Variants in GABBR2 observed in about 807,000 individuals in gnomAD.
GABBR2 encodes gamma-aminobutyric acid type B receptor subunit 2, also known as G-protein coupled receptor 51.
In GABBR2, 23 loss-of-function variants were observed where a neutral mutation model predicts 105.6. That is an observed-to-expected ratio of 0.22 (90% CI 0.16 to 0.31). The LOEUF (loss-of-function observed/expected upper bound fraction) is 0.31, where lower values mean the gene tolerates loss of function less well. GABBR2 is among the 10% of genes least tolerant of loss of function. The pLI is 1.00. For synonymous variants in GABBR2, 478 were observed against 499.7 expected, an observed-to-expected ratio of 0.96 and a Z score of 0.58; for missense variants, 734 against 1,245.5, an observed-to-expected ratio of 0.59 and a Z score of 6.18.
chr9:98,389,084 A>G, intron 9 of GABBR2, 80 bp from the exon 10 acceptor site: 1 of 1,262,084 alleles, frequency 7.9e-7, no homozygotes, highest in Non-Finnish European at 1.1e-6. Context: ...TGTCCCTGAC[A>G]TCCAGCCAGG....
chr9:98,672,932 T>C (rs1280403085), intron 1 of GABBR2, among the ~76,000 whole-genome samples: 1 of 152,230 alleles, frequency 6.6e-6, no homozygotes. Context: ...GACAGCAATC[T>C]TCTACATTCA....
At chr9:98,446,667 G>A (rs1826135356) in intron 7 of GABBR2, among the ~76,000 whole-genome samples, 1 of 152,086 alleles carries the variant, frequency 6.6e-6, no homozygotes, top group South Asian at 2.1e-4. Flanking sequence ...GACACATGAG[G>A]TACAGAGAAA....
intron 3 of GABBR2, among the ~76,000 whole-genome samples, chr9:98,512,814 C>A (rs906273369): frequency 2.2e-4 from 34 of 152,232 alleles, no homozygotes; most frequent in Middle Eastern, 3.4e-3. Flanking sequence ...CAATATCGTG[C>A]AAATGGCCAC....
At chr9:98,498,521 C>G (rs1415847876) in intron 3 of GABBR2, among the ~76,000 whole-genome samples, 4 of 152,166 alleles carry the variant, frequency 2.6e-5, no homozygotes, top group Non-Finnish European at 1.5e-5. Context: ...GGAAGGGAGA[C>G]AAAACAGACT....
At chr9:98,589,332 C>G (rs772088106) in intron 1 of GABBR2, among the ~76,000 whole-genome samples, 1 of 152,212 alleles carries the variant, frequency 6.6e-6, no homozygotes, top group Non-Finnish European at 1.5e-5. Flanking sequence ...CCCTCTAACT[C>G]TGAGCATCTG....
At chr9:98,351,106 C>G (rs995249118) in intron 13 of GABBR2, among the ~76,000 whole-genome samples, 2 of 151,932 alleles carry the variant, frequency 1.3e-5, no homozygotes, top group Non-Finnish European at 2.9e-5. Flanking sequence ...CATTCCTTCA[C>G]TTTCAGTCTA....
At chr9:98,373,587 G>C (rs140698472) in intron 11 of GABBR2, among the ~76,000 whole-genome samples, 3,741 of 152,220 alleles carry the variant, frequency 0.025, 52 homozygotes, top group South Asian at 0.032. Flanking sequence ...ACACCCAGAG[G>C]GGGTAGCTGA....
At chr9:98,412,848 C>T (rs751943684) in intron 7 of GABBR2, among the ~76,000 whole-genome samples, 1 of 152,224 alleles carries the variant, frequency 6.6e-6, no homozygotes, top group African/African-American at 2.4e-5. Flanking sequence ...TCAGAGAGGT[C>T]AAGAAGAACC....
Position 98,303,313 on chromosome 9 carries a change from C to T in GABBR2, c.2340G>A (p.Val780=). The change falls in exon 16 of 19, where the codon GTG becomes GTA. Residue 780 remains valine, a synonymous_variant. Coordinates refer to ENST00000259455, the MANE Select transcript of GABBR2 (RefSeq NM_005458.8). ...DSKTSTSVTS[V]NQASTSRLEG... Reference sequence around the variant, plus strand: ...CCAGGCGGGATGTGCTGGCTTGGTTCACACTGGTGACCGAGGTGGACGTTT... The same window carrying T: ...CCAGGCGGGATGTGCTGGCTTGGTTTACACTGGTGACCGAGGTGGACGTTT... The T allele has an allele frequency of 1.2e-6, 2 of 1,614,176 alleles. No homozygotes were observed. Among genetic ancestry groups the T allele is most frequent in the East Asian group, 2.2e-5 (1 of 44,888 alleles).
intron 2 of GABBR2, among the ~76,000 whole-genome samples, chr9:98,545,978 A>G (rs1828393010): frequency 6.6e-6 from 1 of 152,236 alleles, no homozygotes; most frequent in Admixed American, 6.5e-5. Context: ...ACAGATTGTG[A>G]TTGAGGCTTT....
At chr9:98,499,259 A>G (rs1310155757) in intron 3 of GABBR2, among the ~76,000 whole-genome samples, 1 of 152,244 alleles carries the variant, frequency 6.6e-6, no homozygotes, top group African/African-American at 2.4e-5. Flanking sequence ...AACATGGCAG[A>G]ATAAAATGTT....
At chr9:98,499,911 G>T (rs532114585) in intron 3 of GABBR2, among the ~76,000 whole-genome samples, 1 of 152,178 alleles carries the variant, frequency 6.6e-6, no homozygotes, top group Non-Finnish European at 1.5e-5. Context: ...AATTAGCCAG[G>T]CATTAGTGGC....
intron 8 of GABBR2, 115 bp from the exon 9 acceptor site, chr9:98,394,370 C>T (rs1189306304): frequency 2.0e-5 from 14 of 710,946 alleles, no homozygotes; most frequent in Admixed American, 1.2e-4. Flanking sequence ...TGGCAGGCTT[C>T]CCTTTCTCCA....
At chr9:98,535,546 T>G (rs922715312) in intron 3 of GABBR2, among the ~76,000 whole-genome samples, 8 of 152,088 alleles carry the variant, frequency 5.3e-5, no homozygotes, top group Non-Finnish European at 1.2e-4. Context: ...CTAGAGATAA[T>G]TTAAAGAATA....
rs187302034 is a variant in GABBR2 at position 98,453,912 on chromosome 9, C to T, written c.1236+69G>A. On this transcript the variant is annotated intron_variant, in intron 7 of 18. Transcript: ENST00000259455. ...AGATCACATAACAGAAAGCCTGTAA[C>T]AGCCCCTCTTTTGCTTTGCATGTTT... is the stretch of plus-strand genomic sequence containing the variant. 3.5e-3 allele frequency: 3,493 copies of T among 1,007,218 alleles called. 116 individuals are homozygous for T. The Admixed American group carries it at 0.056, about 16-fold the overall frequency. The allele number at this position is 1,007,218 out of a possible 1,614,324, so 62.4% of individuals were successfully genotyped here. A position where few individuals can be genotyped will look rare whatever the true frequency, so the allele number is the denominator to read the frequency against.
At position 98,338,000 on chromosome 9, in the gene GABBR2, C is replaced by T. The variant is rs149050666; in HGVS notation, c.1893+24715G>A. Among the ~76,000 whole-genome samples, 551 of 152,152 alleles carry T rather than the reference C, an allele frequency of 3.6e-3. 7 individuals are homozygous for T. The highest frequency in any genetic ancestry group is 0.013 in the African/African-American group (530 of 41,516). ...TTGTGCCACTGTACTCCAGCCTGGGCGACAGAGTGAAACTCCGTCTCGAAA... is the reference window on the plus strand; with the variant it reads ...TTGTGCCACTGTACTCCAGCCTGGGTGACAGAGTGAAACTCCGTCTCGAAA... On this transcript the variant is annotated intron_variant, in intron 13 of 18. Transcript: ENST00000259455.
chr9:98,423,014 T>A (rs1460375508), intron 7 of GABBR2, among the ~76,000 whole-genome samples: 7 of 152,224 alleles, frequency 4.6e-5, no homozygotes, highest in Admixed American at 6.5e-5. Flanking sequence ...TCTATCATTG[T>A]TGGACATTTG....
At chr9:98,332,111 C>T (rs1003580243) in intron 13 of GABBR2, among the ~76,000 whole-genome samples, 2 of 152,168 alleles carry the variant, frequency 1.3e-5, no homozygotes, top group Admixed American at 6.5e-5. Flanking sequence ...CCTGGCTTCT[C>T]ACCTCTGAGC....
chr9:98,600,188 C>T (rs1829305228), intron 1 of GABBR2, among the ~76,000 whole-genome samples: 4 of 152,132 alleles, frequency 2.6e-5, no homozygotes, highest in Admixed American at 2.6e-4. Context: ...TGATTCCAGG[C>T]ACATCTGCAG....
Sources: allele counts gnomAD v4.1 joint callset (sites outside exome capture counted in the v4.1 genomes callset), GRCh38; gene constraint gnomAD v4.1.1; transcripts MANE v1.5; gene names NCBI Gene and HGNC (gene_info 2026-07-23, HGNC 2026-07-21).